TYR: variants seen among roughly 807,000 people sequenced by gnomAD.
TYR encodes the protein LB24-AB.
TYR carries 58 observed loss-of-function variants against 51.5 expected under a neutral mutation model. The observed-to-expected ratio is 1.13, with a 90% CI of 0.91 to 1.40. The LOEUF (loss-of-function observed/expected upper bound fraction) is 1.40, where lower values mean the gene tolerates loss of function less well. TYR is among the 40% of genes most tolerant of loss of function. The pLI is 0.00. For synonymous variants in TYR, 263 were observed against 235.2 expected (o/e 1.12, Z -1.08); for missense variants, 732 against 647.4 (o/e 1.13, Z -1.42).
chr11:89,289,109 T>C (rs1400496407), intron 4 of TYR, among the ~76,000 whole-genome samples: 1 of 152,040 alleles, frequency 6.6e-6, no homozygotes, highest in Non-Finnish European at 1.5e-5. Flanking sequence ...AGGCCAAAAA[T>C]CTTTGGCAAA....
intron 3 of TYR, among the ~76,000 whole-genome samples, chr11:89,284,478 G>C (rs1944757477): frequency 6.6e-6 from 1 of 151,778 alleles, no homozygotes; most frequent in Non-Finnish European, 1.5e-5. Context: ...TCAACCAATA[G>C]TTACCTTTAT....
intron 2 of TYR, among the ~76,000 whole-genome samples, chr11:89,213,089 G>A (rs1293669912): frequency 1.3e-5 from 2 of 152,116 alleles, no homozygotes; most frequent in Non-Finnish European, 2.9e-5. Context: ...TTCTGGCCAG[G>A]ACAATCAGGC....
intron 3 of TYR, among the ~76,000 whole-genome samples, chr11:89,237,254 A>G (rs1439976641): frequency 6.6e-6 from 1 of 151,988 alleles, no homozygotes; most frequent in Non-Finnish European, 1.5e-5. Flanking sequence ...CTGTGCTTTG[A>G]GGATCATTTC....
chr11:89,212,669 C>T (rs745828754), intron 2 of TYR, among the ~76,000 whole-genome samples: 15 of 152,270 alleles, frequency 9.9e-5, no homozygotes, highest in South Asian at 2.1e-4. Flanking sequence ...CCCTGATGAA[C>T]ATCGATGCGA....
intron 3 of TYR, among the ~76,000 whole-genome samples, chr11:89,251,456 C>T (rs1892924): frequency 1 from 151,876 of 151,940 alleles, 75,906 homozygotes; most frequent in Middle Eastern, 1. Flanking sequence ...GCCCAAGATA[C>T]ATCTTGTTAA....
intron 3 of TYR, among the ~76,000 whole-genome samples, chr11:89,238,950 C>G (rs7358330): frequency 4.6e-5 from 7 of 151,924 alleles, no homozygotes; most frequent in Admixed American, 2.6e-4. Context: ...AGTGAACCAG[C>G]CTTCTGTTGA....
At chr11:89,209,884 A>G (rs1943729034) in intron 2 of TYR, among the ~76,000 whole-genome samples, 2 of 152,218 alleles carry the variant, frequency 1.3e-5, no homozygotes, top group African/African-American at 2.4e-5. Flanking sequence ...CCTGTCTGTT[A>G]CAAGGAAAAC....
chr11:89,205,754 TAAG>T (rs933250689), intron 2 of TYR, among the ~76,000 whole-genome samples: 3 of 152,124 alleles, frequency 2.0e-5, no homozygotes, highest in Non-Finnish European at 4.4e-5. Flanking sequence ...AGAAGTTTCT[TAAG>T]AAGAAGGGAA....
At chr11:89,211,231 A>C (rs1345415178) in intron 2 of TYR, among the ~76,000 whole-genome samples, 1 of 152,210 alleles carries the variant, frequency 6.6e-6, no homozygotes, top group Non-Finnish European at 1.5e-5. Context: ...GTGCAAAGAC[A>C]CACATAGGCT....
intron 3 of TYR, among the ~76,000 whole-genome samples, chr11:89,242,225 T>A (rs1249617026): frequency 1.3e-5 from 2 of 152,132 alleles, no homozygotes; most frequent in African/African-American, 4.8e-5. Context: ...TTATGTTTTT[T>A]GAGATGGGGT....
At position 89,272,705 on chromosome 11, in the gene TYR, T is replaced by C. The variant is rs182208155; in HGVS notation, c.1185-12068T>C. Among the ~76,000 whole-genome samples, 6 of 152,060 alleles carry C rather than the reference T, an allele frequency of 3.9e-5. No individual in the cohort carries two copies. The East Asian group carries it at 1.2e-3, about 30-fold the overall frequency. ...GATGGCATCTTCCAATAGAAGGCAA[T>C]TTGTCTACCTTGAAATTTGTTTGTT... On this transcript the variant is annotated intron_variant, in intron 3 of 4. Transcript: ENST00000263321.
intron 4 of TYR, among the ~76,000 whole-genome samples, chr11:89,285,940 A>G (rs1434280825): frequency 6.6e-6 from 1 of 151,894 alleles, no homozygotes; most frequent in Non-Finnish European, 1.5e-5. Flanking sequence ...ACATAAATAC[A>G]TAAATAAATA....
chr11:89,261,209 C>G (rs1590885322), intron 3 of TYR, among the ~76,000 whole-genome samples: 1 of 151,944 alleles, frequency 6.6e-6, no homozygotes, highest in South Asian at 2.1e-4. Flanking sequence ...AGAAAAATGT[C>G]AAGAATAATG....
intron 3 of TYR, among the ~76,000 whole-genome samples, chr11:89,247,041 T>G (rs1944275746): frequency 6.6e-6 from 1 of 152,208 alleles, no homozygotes; most frequent in African/African-American, 2.4e-5. Context: ...CTTTAAAAAC[T>G]GCTCCCTGAT....
rs62645902 is a variant in TYR at position 89,178,769 on chromosome 11, G to C, written c.816G>C (p.Trp272Cys). The C allele has an allele frequency of 1.2e-6, 2 of 1,613,980 alleles. No homozygotes were observed. The highest frequency in any genetic ancestry group is 2.2e-5 in the East Asian group (1 of 44,864). Reference protein sequence around the residue: ...LLSPASFFSSWQIVCSRLEEY... With the variant: ...LLSPASFFSSCQIVCSRLEEY... ...GCCCAGCATCATTCTTCTCCTCTTGGCAGGTAAGATATGCTAGATATACGA... is the reference window on the plus strand; with the variant it reads ...GCCCAGCATCATTCTTCTCCTCTTGCCAGGTAAGATATGCTAGATATACGA... Residue 272 changes from tryptophan to cysteine, a missense_variant, in exon 1 of 5, where the codon TGG becomes TGC. Physicochemically the swap from Trp to Cys is radical, Grantham distance 215 (BLOSUM62 -2). Transcript: ENST00000263321.
intron 4 of TYR, among the ~76,000 whole-genome samples, chr11:89,294,651 T>G (rs1449146615): frequency 6.6e-6 from 1 of 152,226 alleles, no homozygotes; most frequent in Non-Finnish European, 1.5e-5. Context: ...GACTGTGACC[T>G]CTGTGAATAC....
intron 3 of TYR, among the ~76,000 whole-genome samples, chr11:89,253,421 G>T (rs1197257492): frequency 1.3e-5 from 2 of 151,354 alleles, no homozygotes; most frequent in Admixed American, 6.6e-5. Flanking sequence ...TTAAATGAAC[G>T]TTTCAATATT....
At chr11:89,194,187 G>T (rs1443797538) in intron 2 of TYR, among the ~76,000 whole-genome samples, 1 of 152,100 alleles carries the variant, frequency 6.6e-6, no homozygotes, top group Admixed American at 6.6e-5. Context: ...TTGTACATAT[G>T]TGTCTTTATG....
chr11:89,191,489 G>A (rs1943445701), intron 2 of TYR, 71 bp downstream of exon 2: 1 of 1,462,500 alleles, frequency 6.8e-7, no homozygotes, highest in Non-Finnish European at 9.5e-7. Flanking sequence ...CAAAGTCCTA[G>A]GAGGTATTTG....
Sources: allele counts gnomAD v4.1 joint callset (sites outside exome capture counted in the v4.1 genomes callset), GRCh38; gene constraint gnomAD v4.1.1; transcripts MANE v1.5; gene names NCBI Gene and HGNC (gene_info 2026-07-23, HGNC 2026-07-21).